The following GLIPR2 variants were observed in gnomAD, a reference collection of about 807,000 sequenced individuals.
GLIPR2 encodes Golgi-associated plant pathogenesis-related protein 1.
Under a neutral mutation model 20.4 loss-of-function variants are expected in GLIPR2, and 21 were observed. The ratio of observed to expected loss-of-function variants is 1.03; its 90% CI spans 0.73 to 1.48. GLIPR2 has a LOEUF of 1.48. Among genes scored for constraint, GLIPR2 ranks in the 40% most tolerant of loss-of-function variants. The pLI is 0.00. For synonymous variants in GLIPR2, 91 were observed against 80.5 expected, an observed-to-expected ratio of 1.13 and a Z score of -0.70; for missense variants, 205 against 200.1, an observed-to-expected ratio of 1.02 and a Z score of -0.15.
At chr9:36,143,367 G>A (rs1825175177) in intron 1 of GLIPR2, among the ~76,000 whole-genome samples, 1 of 152,142 alleles carries the variant, frequency 6.6e-6, no homozygotes, top group East Asian at 1.9e-4. Context: ...CCTCCAGGGA[G>A]TCCTCCTTTC....
chr9:36,157,183 AT>A (rs550973713), intron 4 of GLIPR2, among the ~76,000 whole-genome samples: 2,977 of 130,660 alleles, frequency 0.023, 93 homozygotes, highest in African/African-American at 0.073. Context: ...TGCCCAGCTA[AT>A]TTTTTTTTTT....
intron 1 of GLIPR2, among the ~76,000 whole-genome samples, chr9:36,141,475 C>T (rs1007214994): frequency 1.3e-5 from 2 of 148,962 alleles, no homozygotes; most frequent in African/African-American, 2.5e-5. Flanking sequence ...GGGGCCTGTT[C>T]ACAATTCCTG....
intron 4 of GLIPR2, among the ~76,000 whole-genome samples, chr9:36,154,065 T>C (rs1418177829): frequency 2.4e-5 from 3 of 127,142 alleles, no homozygotes; most frequent in Non-Finnish European, 5.1e-5. Flanking sequence ...TTATATATTA[T>C]ATATTATATA....
At chr9:36,143,694 CT>C (rs980521247) in intron 1 of GLIPR2, among the ~76,000 whole-genome samples, 1 of 152,190 alleles carries the variant, frequency 6.6e-6, no homozygotes, top group Non-Finnish European at 1.5e-5. Context: ...CTTATGGGAT[CT>C]CAGGATTGGA....
chr9:36,148,874 G>A (rs1419213247), intron 3 of GLIPR2, among the ~76,000 whole-genome samples: 2 of 152,218 alleles, frequency 1.3e-5, no homozygotes, highest in Non-Finnish European at 2.9e-5. Flanking sequence ...CAGGGACACA[G>A]AGATGAGTCA....
At chr9:36,147,636 C>A (rs191674688) in intron 1 of GLIPR2, 150 bp from the exon 2 acceptor site, 1 of 662,016 alleles carries the variant, frequency 1.5e-6, no homozygotes, top group African/African-American at 1.8e-5. Context: ...GGAGCAGGGC[C>A]ACTTGGCTGG....
At chr9:36,158,146 C>G (rs1221482977) in intron 4 of GLIPR2, among the ~76,000 whole-genome samples, 1 of 152,178 alleles carries the variant, frequency 6.6e-6, no homozygotes, top group Non-Finnish European at 1.5e-5. Flanking sequence ...CTTTCAACCT[C>G]TCTGCTAGGA....
chr9:36,140,524 A>G (rs1488448156), intron 1 of GLIPR2, among the ~76,000 whole-genome samples: 1 of 152,146 alleles, frequency 6.6e-6, no homozygotes, highest in Non-Finnish European at 1.5e-5. Context: ...GATGTGCCTG[A>G]GTGACAGTAG....
Position 36,148,610 on chromosome 9 carries a change from G to C in GLIPR2, c.186G>C (p.Gln62His), listed in dbSNP as rs769910307. 1 of 1,613,990 alleles carries C rather than the reference G, an allele frequency of 6.2e-7. No individual in the cohort carries two copies. Among genetic ancestry groups the C allele is most frequent in the Admixed American group, 1.7e-5 (1 of 60,004 alleles). The change falls in exon 3 of 5, where the codon CAG (glutamine) becomes CAC (histidine). Residue 62 changes from glutamine to histidine, a missense_variant. By Grantham distance (24) the Gln-to-His change is conservative. Transcript: ENST00000377960. ...LKHSPESSRG[Q>H]CGENLAWASY... The stretch of plus-strand genomic sequence containing the variant: ...ACAGCCCGGAGTCCAGCCGTGGCCA[G>C]TGTGGGGAGAACCTTGCATGGGCAT...
At chr9:36,154,439 T>C (rs1425252953) in intron 4 of GLIPR2, among the ~76,000 whole-genome samples, 1 of 152,130 alleles carries the variant, frequency 6.6e-6, no homozygotes, top group Non-Finnish European at 1.5e-5. Context: ...TATGACCTGT[T>C]TTATGCTTGT....
intron 4 of GLIPR2, among the ~76,000 whole-genome samples, chr9:36,157,562 G>A (rs1825887342): frequency 1.3e-5 from 2 of 151,686 alleles, no homozygotes. Flanking sequence ...GGCCCGGCTA[G>A]TCTCAAACTC....
chr9:36,146,473 C>CA (rs1221906275), intron 1 of GLIPR2, among the ~76,000 whole-genome samples: 1 of 152,178 alleles, frequency 6.6e-6, no homozygotes, highest in African/African-American at 2.4e-5. Context: ...TAACTTGTTC[C>CA]AGCACCAACT....
rs1216856998 is a variant in GLIPR2 at position 36,163,200 on chromosome 9, C to T, written c.*678C>T. On this transcript the variant is annotated 3_prime_UTR_variant, in exon 5 of 5. Coordinates refer to ENST00000377960, the MANE Select transcript of GLIPR2 (RefSeq NM_022343.4). ...ACCTTTAAATAGCAAAGTACCACTA[C>T]CACCACCACCTCTTGCCCCCTTCCC... 7.9e-6 allele frequency: 2 copies of T among 253,072 alleles called. No individual in the cohort carries two copies. Among genetic ancestry groups the T allele is most frequent in the Non-Finnish European group, 1.6e-5 (2 of 127,600 alleles). The allele number at this position is 253,072 out of a possible 1,614,324, so 15.7% of individuals were successfully genotyped here. A position where few individuals can be genotyped will look rare whatever the true frequency, so the allele number is the denominator to read the frequency against.
chr9:36,150,794 C>T, intron 3 of GLIPR2, 78 bp from the exon 4 acceptor site: 1 of 1,033,282 alleles, frequency 9.7e-7, no homozygotes, highest in Admixed American at 1.9e-5. Flanking sequence ...TGGCTTGGGG[C>T]TGATGGGAGA....
chr9:36,143,951 C>G (rs1365898905), intron 1 of GLIPR2, among the ~76,000 whole-genome samples: 1 of 152,222 alleles, frequency 6.6e-6, no homozygotes, highest in Non-Finnish European at 1.5e-5. Context: ...ACCGTGTCTT[C>G]CAGAGGCTGA....
intron 1 of GLIPR2, among the ~76,000 whole-genome samples, chr9:36,143,347 A>T (rs1825173929): frequency 6.6e-6 from 1 of 152,120 alleles, no homozygotes; most frequent in Non-Finnish European, 1.5e-5. Flanking sequence ...TTCCTGAGCC[A>T]GGAACACCTC....
At chr9:36,137,958 A>C (rs1824901546) in intron 1 of GLIPR2, among the ~76,000 whole-genome samples, 1 of 152,264 alleles carries the variant, frequency 6.6e-6, no homozygotes, top group African/African-American at 2.4e-5. Context: ...TGGCCCAGCC[A>C]ATCACTGGCT....
chr9:36,137,403 C>CG (rs1824873053), intron 1 of GLIPR2, among the ~76,000 whole-genome samples: 1 of 152,208 alleles, frequency 6.6e-6, no homozygotes, highest in Admixed American at 6.5e-5. Context: ...GTCCTGCCTT[C>CG]GGGCCCCTGG....
At chr9:36,159,982 A>G (rs1209994324) in intron 4 of GLIPR2, among the ~76,000 whole-genome samples, 1 of 152,162 alleles carries the variant, frequency 6.6e-6, no homozygotes, top group Admixed American at 6.5e-5. Flanking sequence ...ATAAATAAAT[A>G]AAAGGGTGTT....
Sources: allele counts gnomAD v4.1 joint callset (sites outside exome capture counted in the v4.1 genomes callset), GRCh38; gene constraint gnomAD v4.1.1; transcripts MANE v1.5; gene names NCBI Gene and HGNC (gene_info 2026-07-23, HGNC 2026-07-21).